The following SLC25A48 variants were observed in gnomAD, a reference collection of about 807,000 sequenced individuals.
SLC25A48 encodes the protein solute carrier family 25 member 48.
In SLC25A48, 29 loss-of-function variants were observed where a neutral mutation model predicts 32.2. That is an observed-to-expected ratio of 0.90 (90% CI 0.67 to 1.23). The LOEUF (loss-of-function observed/expected upper bound fraction) is 1.23. SLC25A48 is among the 50% of genes most tolerant of loss of function. The probability of loss-of-function intolerance (pLI) is 0.00; values close to 1 mark genes in which losing one functional copy is unlikely to be tolerated. For missense variants in SLC25A48, 399 were observed against 422.7 expected (o/e 0.94, Z 0.49); for synonymous variants, 164 against 172.3 (o/e 0.95, Z 0.38).
intron 3 of SLC25A48, among the ~76,000 whole-genome samples, chr5:135,716,824 C>A (rs1460918883): frequency 6.6e-6 from 1 of 152,206 alleles, no homozygotes. Flanking sequence ...ATCCCCAGCT[C>A]CGGCCAGCAT....
intron 1 of SLC25A48, among the ~76,000 whole-genome samples, chr5:135,612,330 C>T (rs1367538422): frequency 6.6e-6 from 1 of 150,600 alleles, no homozygotes; most frequent in Non-Finnish European, 1.5e-5. Context: ...GTATAATGAT[C>T]AAATCAGTGT....
At chr5:135,700,365 C>A (rs1218062814) in intron 3 of SLC25A48, among the ~76,000 whole-genome samples, 2 of 67,416 alleles carry the variant, frequency 3.0e-5, no homozygotes, top group Non-Finnish European at 2.6e-5. Context: ...GAGCAAGACT[C>A]TGTCTCAAAA....
chr5:135,835,269 T>TGA, intron 1 of SLC25A48: 1 of 475,150 alleles, frequency 2.1e-6, no homozygotes, highest in South Asian at 1.6e-5. Flanking sequence ...AACTTATGTA[T>TGA]GAGGGTAGCG....
intron 3 of SLC25A48, among the ~76,000 whole-genome samples, chr5:135,638,328 T>C (rs1433335984): frequency 1.3e-5 from 2 of 152,192 alleles, no homozygotes; most frequent in African/African-American, 4.8e-5. Flanking sequence ...CACCAAGTAC[T>C]GTGTGAAAAT....
chr5:135,753,323 CAGAG>C (rs1755814824), intron 3 of SLC25A48, among the ~76,000 whole-genome samples: 1 of 151,656 alleles, frequency 6.6e-6, no homozygotes, highest in Non-Finnish European at 1.5e-5. Flanking sequence ...TGCATAATAA[CAGAG>C]AGTTACCCGC....
intron 1 of SLC25A48, among the ~76,000 whole-genome samples, chr5:135,597,709 A>C (rs574279064): frequency 2.8e-4 from 43 of 152,316 alleles, no homozygotes; most frequent in African/African-American, 9.9e-4. Context: ...TGAGCTTTCC[A>C]AAGTCCCCAC....
chr5:135,789,210 C>CCGCCCCCCAT (rs1756949464), intron 3 of SLC25A48, among the ~76,000 whole-genome samples: 1 of 22,518 alleles, frequency 4.4e-5, no homozygotes, highest in Non-Finnish European at 2.9e-4. Flanking sequence ...TCCCCCGCCA[C>CCGCCCCCCAT]GATATGGTTT....
Position 135,850,056 on chromosome 5 carries a change from T to C in SLC25A48, c.91-369T>C, listed in dbSNP as rs56876228. Among the ~76,000 whole-genome samples, 9 of 152,274 alleles carry C rather than the reference T, an allele frequency of 5.9e-5. No individual in the cohort carries two copies. The East Asian group carries it at 1.7e-3, about 29-fold the overall frequency. On this transcript the variant is annotated intron_variant, in intron 2 of 7. Transcript: ENST00000681962. The stretch of plus-strand genomic sequence containing the variant: ...GGGGTGAGGCCTAGGGTGGTGGTTC[T>C]AGGGACAAGAAGAGCAGGTGTCCCC...
intron 3 of SLC25A48, among the ~76,000 whole-genome samples, chr5:135,635,733 G>A (rs970684127): frequency 6.6e-6 from 1 of 152,164 alleles, no homozygotes; most frequent in African/African-American, 2.4e-5. Flanking sequence ...ATCCATGAAC[G>A]CAGAATTGGG....
At chr5:135,622,878 A>C (rs1752358900) in intron 1 of SLC25A48, among the ~76,000 whole-genome samples, 1 of 152,238 alleles carries the variant, frequency 6.6e-6, no homozygotes, top group South Asian at 2.1e-4. Flanking sequence ...TGGATTTAAT[A>C]GATCAGTGAA....
intron 3 of SLC25A48, among the ~76,000 whole-genome samples, chr5:135,723,382 A>T (rs59493289): frequency 0.29 from 41,543 of 141,806 alleles, 6,022 homozygotes; most frequent in East Asian, 0.48. Context: ...TCTCTCTCTC[A>T]CACACACACA....
At chr5:135,866,619 C>T (rs1761224717) in intron 4 of SLC25A48, among the ~76,000 whole-genome samples, 2 of 152,338 alleles carry the variant, frequency 1.3e-5, no homozygotes, top group African/African-American at 2.4e-5. Context: ...ATAAAACTCC[C>T]TGAAGAGGCA....
chr5:135,774,309 A>G (rs769182521), intron 3 of SLC25A48, among the ~76,000 whole-genome samples: 4 of 151,810 alleles, frequency 2.6e-5, no homozygotes, highest in Non-Finnish European at 5.9e-5. Flanking sequence ...TGTTCCTAAT[A>G]TCCAGGATGA....
rs183454917 is a variant in SLC25A48 at position 135,855,719 on chromosome 5, G to A, written c.421+2898G>A. ...GTGAACACACTGGTCTCATCTGCAC[G>A]AAGCTAGCCCCAGCTGAGCTGGGAC... On this transcript the variant is annotated intron_variant, in intron 4 of 7. Transcript: ENST00000681962. 3.9e-5 allele frequency among the ~76,000 whole-genome samples: 6 copies of A among 152,314 alleles called. No individual in the cohort carries two copies. The South Asian group carries it at 6.2e-4, about 16-fold the overall frequency.
chr5:135,669,573 G>T (rs1753606619), intron 3 of SLC25A48, among the ~76,000 whole-genome samples: 1 of 152,140 alleles, frequency 6.6e-6, no homozygotes, highest in East Asian at 1.9e-4. Context: ...CTAACTGAGT[G>T]GTGAAGCAGC....
At chr5:135,880,661 C>T (rs1425250451) in intron 7 of SLC25A48, among the ~76,000 whole-genome samples, 1 of 152,164 alleles carries the variant, frequency 6.6e-6, no homozygotes, top group African/African-American at 2.4e-5. Flanking sequence ...CTCCTGTGCT[C>T]ACATGCCCTC....
chr5:135,732,545 C>A (rs990944426), intron 3 of SLC25A48, among the ~76,000 whole-genome samples: 1 of 151,976 alleles, frequency 6.6e-6, no homozygotes, highest in African/African-American at 2.4e-5. Flanking sequence ...CCTGAAAAAT[C>A]CCTGAGGAGT....
intron 4 of SLC25A48, among the ~76,000 whole-genome samples, chr5:135,823,808 G>A (rs979414906): frequency 3.3e-5 from 5 of 152,200 alleles, no homozygotes; most frequent in African/African-American, 1.2e-4. Flanking sequence ...CTAGGAGAAA[G>A]GAGAAGGAAG....
At chr5:135,866,648 C>A (rs545245805) in intron 4 of SLC25A48, among the ~76,000 whole-genome samples, 104 of 152,320 alleles carry the variant, frequency 6.8e-4, no homozygotes, top group African/African-American at 2.4e-3. Flanking sequence ...TAAGGGACCT[C>A]CCAGGCCAAA....
Sources: gnomAD v4.1 joint callset for allele counts (sites outside exome capture counted in the v4.1 genomes callset) on GRCh38, gnomAD v4.1.1 for gene constraint, MANE v1.5 for transcripts, NCBI Gene and HGNC (gene_info 2026-07-23, HGNC 2026-07-21) for gene names.